STUM: variants seen among roughly 807,000 people sequenced by gnomAD.
STUM encodes the protein protein stum homolog.
In STUM, 8 loss-of-function variants were observed where a neutral mutation model predicts 15.3. The observed-to-expected ratio is 0.52, with a 90% confidence interval of 0.31 to 0.94. STUM has a LOEUF of 0.94. STUM is among the 40% of genes least tolerant of loss of function. STUM has a pLI of 0.05. For synonymous variants in STUM, 78 were observed against 88.7 expected (o/e 0.88, Z 0.68); for missense variants, 142 against 204.9 (o/e 0.69, Z 1.87).
intron 1 of STUM, among the ~76,000 whole-genome samples, chr1:226,570,588 G>T (rs961619233): frequency 3.9e-5 from 6 of 152,190 alleles, no homozygotes; most frequent in Non-Finnish European, 8.8e-5. Flanking sequence ...CCTCCACCTG[G>T]CTTCCTTCTG....
chr1:226,573,990 A>ATG (rs1667764686), intron 1 of STUM, among the ~76,000 whole-genome samples: 1 of 152,038 alleles, frequency 6.6e-6, no homozygotes, highest in Admixed American at 6.6e-5. Context: ...GCACACCACC[A>ATG]TGTGCTGCTA....
At chr1:226,557,944 G>A (rs1218281651) in intron 1 of STUM, among the ~76,000 whole-genome samples, 1 of 152,152 alleles carries the variant, frequency 6.6e-6, no homozygotes, top group East Asian at 1.9e-4. Context: ...ATCCTTTCAT[G>A]ATAAAAAATC....
At chr1:226,568,184 A>G (rs1667652774) in intron 1 of STUM, among the ~76,000 whole-genome samples, 1 of 151,668 alleles carries the variant, frequency 6.6e-6, no homozygotes, top group Admixed American at 6.6e-5. Flanking sequence ...GGCTCTGGCA[A>G]CGGCCGGCAG....
intron 1 of STUM, among the ~76,000 whole-genome samples, chr1:226,592,026 C>A (rs1668094085): frequency 6.6e-6 from 1 of 151,662 alleles, no homozygotes; most frequent in African/African-American, 2.4e-5. Flanking sequence ...CATGAAGGTT[C>A]TTTCCTTATT....
chr1:226,597,130 C>G (rs1226156522), intron 2 of STUM, 149 bp downstream of exon 2: 1 of 780,924 alleles, frequency 1.3e-6, no homozygotes, highest in Non-Finnish European at 2.2e-6. Context: ...TTCACAACTC[C>G]CTGGGCTGCT....
At chr1:226,550,159 GAGGCCAGCTGGA>G (rs1052154199) in intron 1 of STUM, among the ~76,000 whole-genome samples, 14 of 152,224 alleles carry the variant, frequency 9.2e-5, no homozygotes, top group African/African-American at 3.4e-4. Context: ...CCCAAGAGCA[GAGGCCAGCTGGA>G]AGGGGTTTTC....
In STUM at chr1:226,608,941, T is replaced by A. The variant is rs1168675910; in HGVS notation, c.*6901T>A. On this transcript the variant is annotated 3_prime_UTR_variant, in exon 4 of 4. Transcript: ENST00000366788. This position sits in a 1 kb window ranked among gnomAD's most constrained non-coding sequence, Gnocchi z 4.0. Reference sequence around the variant, plus strand: ...TCTAGGGGCCAAGCAGGGTTCCAGATTCTCCAGCCTTCTGCCAGCTTTAAA... The same window carrying A: ...TCTAGGGGCCAAGCAGGGTTCCAGAATCTCCAGCCTTCTGCCAGCTTTAAA... 1 of 152,222 alleles carries A rather than the reference T, an allele frequency of 6.6e-6. No individual in the cohort carries two copies. The highest frequency in any genetic ancestry group is 1.5e-5 in the Non-Finnish European group (1 of 68,056). The allele number at this position is 152,222 out of a possible 1,614,324, so 9.4% of individuals were successfully genotyped here.
intron 1 of STUM, among the ~76,000 whole-genome samples, chr1:226,588,130 A>C (rs534404811): frequency 6.6e-6 from 1 of 152,152 alleles, no homozygotes; most frequent in African/African-American, 2.4e-5. Flanking sequence ...ACTATTCCAG[A>C]TCGGTTTTAT....
In STUM at chr1:226,548,841, T is replaced by G; in HGVS notation, c.-64T>G. On this transcript the variant is annotated 5_prime_UTR_variant, in exon 1 of 4. Transcript: ENST00000366788. ...CCGGAGCCCGCAGCCGACAGTCTCCTGCTCCCGTACGCTGGGCGCCAGCTC... is the reference window on the plus strand; with the variant it reads ...CCGGAGCCCGCAGCCGACAGTCTCCGGCTCCCGTACGCTGGGCGCCAGCTC... The G allele has an allele frequency of 8.0e-7, 1 of 1,243,242 alleles. No individual in the cohort carries two copies. Among genetic ancestry groups the G allele is most frequent in the Non-Finnish European group, 1.0e-6 (1 of 986,580 alleles). The allele number at this position is 1,243,242 out of a possible 1,614,324, so 77.0% of individuals were successfully genotyped here.
chr1:226,575,599 C>T (rs552947067), intron 1 of STUM, among the ~76,000 whole-genome samples: 42 of 152,242 alleles, frequency 2.8e-4, no homozygotes, highest in African/African-American at 8.2e-4. Flanking sequence ...GGGGAGAAGA[C>T]GGGGCAAAGG....
At chr1:226,566,438 G>A (rs1667627492) in intron 1 of STUM, among the ~76,000 whole-genome samples, 1 of 152,176 alleles carries the variant, frequency 6.6e-6, no homozygotes, top group South Asian at 2.1e-4. Flanking sequence ...AATCACAGCG[G>A]CAGAAGCTTA....
At chr1:226,574,026 G>A (rs1265501923) in intron 1 of STUM, among the ~76,000 whole-genome samples, 1 of 152,034 alleles carries the variant, frequency 6.6e-6, no homozygotes, top group Non-Finnish European at 1.5e-5. Flanking sequence ...AGTAGAGATG[G>A]GGTTTTACCA....
intron 1 of STUM, among the ~76,000 whole-genome samples, chr1:226,564,624 G>A (rs1218774623): frequency 1.3e-5 from 2 of 152,240 alleles, no homozygotes; most frequent in Non-Finnish European, 2.9e-5. Context: ...AACTTAGCAT[G>A]TGGGTTACTC....
chr1:226,564,677 G>A (rs1326807058), intron 1 of STUM, among the ~76,000 whole-genome samples: 1 of 152,154 alleles, frequency 6.6e-6, no homozygotes, highest in Non-Finnish European at 1.5e-5. Flanking sequence ...TTCCTCTAGT[G>A]GAGGGCCCAC....
intron 1 of STUM, among the ~76,000 whole-genome samples, chr1:226,562,944 A>T (rs1667565553): frequency 6.6e-6 from 1 of 152,206 alleles, no homozygotes; most frequent in African/African-American, 2.4e-5. Flanking sequence ...TTCTTTGGAA[A>T]CACATTGAAA....
In STUM at chr1:226,589,273, C is replaced by A. The variant is rs186352349; in HGVS notation, c.203-7529C>A. On this transcript the variant is annotated intron_variant, in intron 1 of 3. Transcript: ENST00000366788. Reference sequence around the variant, plus strand: ...AGGCTCTATCTCGTGGGAGCAGAGCCGCCCCCTTCCTGATGGGAGACTGTA... The same window carrying A: ...AGGCTCTATCTCGTGGGAGCAGAGCAGCCCCCTTCCTGATGGGAGACTGTA... 1.9e-3 allele frequency among the ~76,000 whole-genome samples: 282 copies of A among 152,286 alleles called. 1 individual carries two copies. Among genetic ancestry groups the A allele is most frequent in the Non-Finnish European group, 3.3e-3 (223 of 68,020 alleles).
intron 1 of STUM, among the ~76,000 whole-genome samples, chr1:226,584,749 G>A (rs1667972159): frequency 1.3e-5 from 2 of 152,142 alleles, no homozygotes; most frequent in African/African-American, 4.8e-5. Context: ...ATTTTTTTGT[G>A]TTAGACATCT....
intron 1 of STUM, among the ~76,000 whole-genome samples, chr1:226,564,042 A>T (rs1667583608): frequency 6.6e-6 from 1 of 152,190 alleles, no homozygotes; most frequent in Admixed American, 6.5e-5. Context: ...TCTGAGGCTG[A>T]TACATCCTGA....
intron 1 of STUM, among the ~76,000 whole-genome samples, chr1:226,582,342 C>T (rs900465166): frequency 1.3e-5 from 2 of 152,156 alleles, no homozygotes; most frequent in African/African-American, 4.8e-5. Flanking sequence ...CCTGTAATCC[C>T]AGAACTTTGG....
Sources: gnomAD v4.1 joint callset for allele counts (sites outside exome capture counted in the v4.1 genomes callset) on GRCh38, gnomAD v4.1.1 for gene constraint, Gnocchi (gnomAD v3.1) non-coding constraint, MANE v1.5 for transcripts, NCBI Gene and HGNC (gene_info 2026-07-23, HGNC 2026-07-21) for gene names.